Variants in RTL9 observed in about 807,000 individuals in gnomAD.
The protein encoded by RTL9 is retrotransposon Gag-like protein 9.
A neutral mutation model predicts 44.7 loss-of-function variants in RTL9; 19 were observed. The observed-to-expected ratio is 0.42, with a 90% CI of 0.30 to 0.62. RTL9 has a LOEUF of 0.62. Among genes scored for constraint, RTL9 ranks in the 20% least tolerant of loss-of-function variants. The probability of loss-of-function intolerance (pLI) is 0.16; values close to 1 mark genes in which losing one functional copy is unlikely to be tolerated. For missense variants in RTL9, 1,105 were observed against 1,080.6 expected (o/e 1.02, Z -0.32); for synonymous variants, 407 against 398.9 (o/e 1.02, Z -0.24).
At chrX:110,405,838 C>T (rs931375255) in intron 1 of RTL9, among the ~76,000 whole-genome samples, 2 of 111,845 alleles carry the variant, frequency 1.8e-5, no homozygotes, top group Non-Finnish European at 3.8e-5. Flanking sequence ...ACACCAACAC[C>T]TGGTTCTGAA....
chrX:110,361,701 A>C (rs1253712512), intron 1 of RTL9, among the ~76,000 whole-genome samples: 2 of 112,116 alleles, frequency 1.8e-5, no homozygotes, highest in Non-Finnish European at 3.8e-5. Flanking sequence ...TCTGCCTTCC[A>C]TGTTTTATTT....
upstream of RTL9, among the ~76,000 whole-genome samples, chrX:110,446,426 G>A (rs952226899): frequency 9.0e-6 from 1 of 110,998 alleles, no homozygotes; most frequent in South Asian, 3.9e-4. Flanking sequence ...GGGGGTGGAT[G>A]TCCGGGATTC....
intron 1 of RTL9, among the ~76,000 whole-genome samples, chrX:110,368,015 T>C (rs1176431458): frequency 9.7e-6 from 1 of 103,531 alleles, no homozygotes; most frequent in Non-Finnish European, 1.9e-5. Flanking sequence ...TTATTATTAT[T>C]ATTTTGTAGA....
intron 1 of RTL9, among the ~76,000 whole-genome samples, chrX:110,429,472 TTGTTTTGTTTTTTTG>T (rs1223391281): frequency 2.6e-5 from 2 of 76,553 alleles, no homozygotes; most frequent in African/African-American, 2.9e-4. Context: ...TTTTTTTTTT[TTGTTTTGTTTTTTTG>T]GTTTTTTTGT....
At chrX:110,443,442 T>C (rs749199257) in intron 1 of RTL9, among the ~76,000 whole-genome samples, 1 of 112,270 alleles carries the variant, frequency 8.9e-6, no homozygotes, top group South Asian at 3.8e-4. Flanking sequence ...CACCACACTT[T>C]TATTTTGAGA....
intron 1 of RTL9, among the ~76,000 whole-genome samples, chrX:110,434,497 A>G (rs1228960951): frequency 9.0e-6 from 1 of 111,539 alleles, no homozygotes; most frequent in Non-Finnish European, 1.9e-5. Flanking sequence ...GGATGACTCA[A>G]GGCACATGTC....
At chrX:110,417,490 T>A (rs191772495), upstream of RTL9, among the ~76,000 whole-genome samples, 1 of 111,830 alleles carries the variant, frequency 8.9e-6, no homozygotes. Context: ...ATTTTTTTTT[T>A]ATGCGATAAG....
chrX:110,451,260 G>T, exon 1 of RTL9: 1 of 1,212,052 alleles, frequency 8.3e-7, no homozygotes, highest in Admixed American at 2.2e-5. Flanking sequence ...GAATCCTGGA[G>T]TGATGTCTAC....
chrX:110,410,869 C>G (rs1336067982), intron 1 of RTL9, among the ~76,000 whole-genome samples: 1 of 112,378 alleles, frequency 8.9e-6, no homozygotes, highest in Non-Finnish European at 1.9e-5. Context: ...AGGCAGCCTC[C>G]TTGAAAAGCT....
exon 1 of RTL9, chrX:110,453,218 C>G (rs1204702459): frequency 8.3e-7 from 1 of 1,211,660 alleles, no homozygotes; most frequent in Admixed American, 2.2e-5. Flanking sequence ...GAGCCCCAGA[C>G]TCTAGAGTGA....
At chrX:110,439,932 T>A (rs1385365037) in intron 1 of RTL9, 1 of 110,436 alleles carries the variant, frequency 9.1e-6, no homozygotes, top group Non-Finnish European at 1.9e-5. Context: ...GCTTACAGGC[T>A]CCCGAATGCC....
At chrX:110,450,789 C>G in exon 1 of RTL9, 1 of 1,211,513 alleles carries the variant, frequency 8.3e-7, no homozygotes, top group Non-Finnish European at 1.1e-6. Flanking sequence ...AGCCTCAGAC[C>G]CTGGAGGGAC....
At chrX:110,367,805 TA>T (rs1470096373) in intron 1 of RTL9, among the ~76,000 whole-genome samples, 6 of 109,750 alleles carry the variant, frequency 5.5e-5, no homozygotes, top group Admixed American at 2.0e-4. Context: ...TTCAGCTGAA[TA>T]GTTAAAAATT....
At chrX:110,406,633 C>A (rs933632867) in intron 1 of RTL9, among the ~76,000 whole-genome samples, 1 of 111,700 alleles carries the variant, frequency 9.0e-6, no homozygotes, top group African/African-American at 3.3e-5. Context: ...GTAATGGGAT[C>A]GCTGGGTCAA....
intron 1 of RTL9, among the ~76,000 whole-genome samples, chrX:110,384,291 G>A (rs2068439879): frequency 9.1e-6 from 1 of 110,378 alleles, no homozygotes; most frequent in South Asian, 3.9e-4. Context: ...ACTGAAAAAA[G>A]CACTGAAATC....
chrX:110,437,404 A>G (rs755225933), intron 1 of RTL9, among the ~76,000 whole-genome samples: 15 of 112,337 alleles, frequency 1.3e-4, no homozygotes, highest in African/African-American at 4.8e-4. Context: ...ACATTATATG[A>G]TAGCTCCTAT....
chrX:110,427,536 G>C (rs2068762766), intron 1 of RTL9, among the ~76,000 whole-genome samples: 2 of 111,938 alleles, frequency 1.8e-5, no homozygotes, highest in African/African-American at 6.5e-5. Context: ...CTCAATCCTG[G>C]CTGCACATTC....
chrX:110,451,209 C>G lies in RTL9; in HGVS notation c.592C>G (p.Pro198Ala), dbSNP rs759740444. The G allele has an allele frequency of 1.9e-5, 23 of 1,210,097 alleles. No individual in the cohort carries two copies. Among genetic ancestry groups the G allele is most frequent in the Non-Finnish European group, 2.6e-5 (23 of 895,162 alleles). Residue 198 changes from proline (P) to alanine (A), a missense_variant, in exon 1 of 2, where the codon CCA becomes GCA. Transcript: ENST00000540313. The stretch of plus-strand genomic sequence containing the variant: ...AATGTCCACACCATTAATGCTAGCC[C>G]CAGATTCTGGAGAGTTATCCCCAAT...
At chrX:110,453,201 C>T (rs200871088) in exon 1 of RTL9, 29 of 1,209,798 alleles carry the variant, frequency 2.4e-5, no homozygotes, top group Non-Finnish European at 3.2e-5. Flanking sequence ...GTCCATGCCA[C>T]TGATGAGAGC....
Sources: allele counts gnomAD v4.1 joint callset (sites outside exome capture counted in the v4.1 genomes callset), GRCh38; gene constraint gnomAD v4.1.1; transcripts MANE v1.5; gene names NCBI Gene and HGNC (gene_info 2026-07-23, HGNC 2026-07-21).